Variants in KPNA4 observed in about 807,000 individuals in gnomAD.
KPNA4 encodes karyopherin subunit alpha 4.
A neutral mutation model predicts 71.3 loss-of-function variants in KPNA4; 13 were observed. That is an observed-to-expected ratio of 0.18 (90% CI 0.12 to 0.29). The LOEUF (loss-of-function observed/expected upper bound fraction) is 0.29, where lower values mean the gene tolerates loss of function less well. KPNA4 is among the 10% of genes least tolerant of loss of function. KPNA4 has a pLI of 1.00. For synonymous variants in KPNA4, 189 were observed against 195.2 expected, an observed-to-expected ratio of 0.97 and a Z score of 0.26; for missense variants, 334 against 603.2, an observed-to-expected ratio of 0.55 and a Z score of 4.67.
At chr3:160,526,751 T>C (rs542175218) in intron 8 of KPNA4, among the ~76,000 whole-genome samples, 15 of 152,366 alleles carry the variant, frequency 9.8e-5, no homozygotes, top group African/African-American at 3.1e-4. Flanking sequence ...TGTTGAAATG[T>C]TACCATAAGT....
chr3:160,554,036 G>GAATA (rs1315003171), intron 1 of KPNA4, among the ~76,000 whole-genome samples: 1 of 152,168 alleles, frequency 6.6e-6, no homozygotes, highest in East Asian at 1.9e-4. Flanking sequence ...TACAGATGCT[G>GAATA]AATAAATATT....
chr3:160,525,225 T>C (rs917957586), intron 10 of KPNA4, among the ~76,000 whole-genome samples: 2 of 152,208 alleles, frequency 1.3e-5, no homozygotes, highest in African/African-American at 4.8e-5. Flanking sequence ...AATCAAGTTA[T>C]CTTGATAAAT....
chr3:160,514,923 G>A (rs944424489), intron 12 of KPNA4: 1 of 517,706 alleles, frequency 1.9e-6, no homozygotes, highest in Non-Finnish European at 3.9e-6. Flanking sequence ...CAGATCACAG[G>A]ACCATTTTAA....
rs1721681219 is a variant in KPNA4, at chr3:160,535,913, A to G, written c.115-16T>C. On this transcript the variant is annotated splice_polypyrimidine_tract_variant and intron_variant, in intron 2 of 16. Coordinates refer to ENST00000334256, the MANE Select transcript of KPNA4 (RefSeq NM_002268.5). ...CTCTTTTATTCTTAAAAAAAAAAAAAAAAAAAAAAAAACCAAACAGAGAAT... is the reference window on the plus strand; with the variant it reads ...CTCTTTTATTCTTAAAAAAAAAAAAGAAAAAAAAAAAACCAAACAGAGAAT... 11 of 1,100,234 alleles carry G rather than the reference A, an allele frequency of 1.0e-5. No homozygotes were observed. The highest frequency in any genetic ancestry group is 1.3e-5 in the Non-Finnish European group (11 of 846,280). The allele number at this position is 1,100,234 out of a possible 1,614,324, so 68.2% of individuals were successfully genotyped here. A position where few individuals can be genotyped will look rare whatever the true frequency, so the allele number is the denominator to read the frequency against.
intron 14 of KPNA4, among the ~76,000 whole-genome samples, chr3:160,509,194 C>T (rs965691608): frequency 1.3e-5 from 2 of 152,190 alleles, no homozygotes; most frequent in African/African-American, 4.8e-5. Flanking sequence ...GTGCCTCTTT[C>T]CTAGGCATCT....
chr3:160,530,774 A>G (rs1721558487), intron 7 of KPNA4, 81 bp downstream of exon 7: 4 of 906,470 alleles, frequency 4.4e-6, no homozygotes. Context: ...TTAAATTGCC[A>G]TAGTCTTTTG....
intron 11 of KPNA4, among the ~76,000 whole-genome samples, chr3:160,517,669 T>C (rs1416818528): frequency 4.6e-5 from 7 of 152,106 alleles, no homozygotes; most frequent in Admixed American, 2.6e-4. Flanking sequence ...GGGTGTGAAG[T>C]AGTATCTCAC....
chr3:160,558,722 A>G (rs1321398369), intron 1 of KPNA4, among the ~76,000 whole-genome samples: 1 of 152,230 alleles, frequency 6.6e-6, no homozygotes, highest in Non-Finnish European at 1.5e-5. Flanking sequence ...CACAGGGTCA[A>G]AACTATTTTC....
Position 160,536,844 on chromosome 3 carries a change from CA to C in KPNA4, c.70-5del. 1.4e-5 allele frequency: 21 copies of C among 1,548,606 alleles called. No homozygotes were observed. Among genetic ancestry groups the C allele is most frequent in the Middle Eastern group, 1.7e-4 (1 of 5,852 alleles). On this transcript the variant is annotated splice_region_variant and splice_polypyrimidine_tract_variant and intron_variant, in intron 1 of 16. Coordinates refer to ENST00000334256, the MANE Select transcript of KPNA4 (RefSeq NM_002268.5). ...CATTTCGTTGTCTTCTCATAGTCTA[CA>C]AAAAAATTAAAGGAAAATATTTTTA...
intron 1 of KPNA4, among the ~76,000 whole-genome samples, chr3:160,556,874 A>G (rs759880995): frequency 2.0e-5 from 3 of 152,262 alleles, no homozygotes; most frequent in Non-Finnish European, 4.4e-5. Context: ...TTCTATAGAT[A>G]TATCTGTAGT....
At chr3:160,560,595 A>AT (rs990947389) in intron 1 of KPNA4, among the ~76,000 whole-genome samples, 25 of 151,116 alleles carry the variant, frequency 1.7e-4, no homozygotes, top group Non-Finnish European at 3.1e-4. Flanking sequence ...CTACCTTTGC[A>AT]TTTTTTTTTC....
chr3:160,503,053 G>A (rs1720915024), intron 16 of KPNA4, among the ~76,000 whole-genome samples: 1 of 152,036 alleles, frequency 6.6e-6, no homozygotes, highest in Non-Finnish European at 1.5e-5. Flanking sequence ...AGAGGTTGCA[G>A]TGAGCCAAGA....
intron 13 of KPNA4, among the ~76,000 whole-genome samples, chr3:160,510,500 T>C (rs1474706828): frequency 6.6e-6 from 1 of 152,124 alleles, no homozygotes; most frequent in Non-Finnish European, 1.5e-5. Context: ...TTATGGTAAA[T>C]CTACTGAATA....
intron 1 of KPNA4, among the ~76,000 whole-genome samples, chr3:160,546,288 C>T (rs1183332755): frequency 6.6e-6 from 1 of 152,136 alleles, no homozygotes; most frequent in African/African-American, 2.4e-5. Context: ...GAGGCTAAGG[C>T]GGGTGGATCA....
At chr3:160,504,202 G>T (rs560359522) in intron 16 of KPNA4, among the ~76,000 whole-genome samples, 5 of 152,124 alleles carry the variant, frequency 3.3e-5, no homozygotes, top group African/African-American at 1.2e-4. Context: ...TTCTAATATT[G>T]TCCTTGTCAA....
chr3:160,521,416 T>A (rs1367636087), intron 11 of KPNA4, among the ~76,000 whole-genome samples: 1 of 152,104 alleles, frequency 6.6e-6, no homozygotes, highest in Non-Finnish European at 1.5e-5. Context: ...CTGGCCAACA[T>A]GGCAAAACCC....
intron 1 of KPNA4, among the ~76,000 whole-genome samples, chr3:160,540,258 C>T (rs910591592): frequency 5.9e-5 from 9 of 152,094 alleles, no homozygotes; most frequent in Non-Finnish European, 1.2e-4. Context: ...CTCGGCCTCC[C>T]AAAGTGCTGG....
intron 10 of KPNA4, among the ~76,000 whole-genome samples, chr3:160,524,331 TTTTA>T (rs544920775): frequency 3.4e-4 from 52 of 152,048 alleles, no homozygotes; most frequent in East Asian, 3.9e-4. Flanking sequence ...TTGCCAATCG[TTTTA>T]TTTATTTATT....
chr3:160,533,835 T>C (rs1217969319), intron 5 of KPNA4, among the ~76,000 whole-genome samples: 1 of 152,228 alleles, frequency 6.6e-6, no homozygotes, highest in Non-Finnish European at 1.5e-5. Context: ...GATCATACTT[T>C]GAAAACCTCT....
Sources: gnomAD v4.1 joint callset for allele counts (sites outside exome capture counted in the v4.1 genomes callset) on GRCh38, gnomAD v4.1.1 for gene constraint, MANE v1.5 for transcripts, NCBI Gene and HGNC (gene_info 2026-07-23, HGNC 2026-07-21) for gene names.